SVIL: variants seen among roughly 807,000 people sequenced by gnomAD.
The protein encoded by SVIL is supervillin.
In SVIL, 101 loss-of-function variants were observed where a neutral mutation model predicts 240.4. The ratio of observed to expected loss-of-function variants is 0.42; its 90% confidence interval spans 0.36 to 0.50. The LOEUF (loss-of-function observed/expected upper bound fraction) is 0.50, where lower values mean the gene tolerates loss of function less well. Among genes scored for constraint, SVIL ranks in the 20% least tolerant of loss-of-function variants. The probability of loss-of-function intolerance (pLI) is 0.01; values close to 1 mark genes in which losing one functional copy is unlikely to be tolerated. For synonymous variants in SVIL, 999 were observed against 1,100.0 expected, an observed-to-expected ratio of 0.91 and a Z score of 1.82; for missense variants, 2,512 against 2,818.7, an observed-to-expected ratio of 0.89 and a Z score of 2.46.
chr10:29,706,765 G>C (rs1390839572), intron 1 of SVIL, among the ~76,000 whole-genome samples: 1 of 152,118 alleles, frequency 6.6e-6, no homozygotes, highest in Non-Finnish European at 1.5e-5. Context: ...GGTTTTTATA[G>C]TTTTGGGTTT....
rs1489751525 is a variant in SVIL, at chr10:29,480,514, A to G, written c.5377+23T>C. On this transcript the variant is annotated intron_variant, in intron 29 of 37. Transcript: ENST00000355867. Reference sequence around the variant, plus strand: ...GCCGGGCCAGCCTCTTTCAGCTGGAAAAAACCACAAGCGCTCACTAACCTG... The same window carrying G: ...GCCGGGCCAGCCTCTTTCAGCTGGAGAAAACCACAAGCGCTCACTAACCTG... 4.4e-6 allele frequency: 7 copies of G among 1,607,000 alleles called. 1 individual carries two copies. The South Asian group carries it at 7.7e-5, about 18-fold the overall frequency.
intron 1 of SVIL, among the ~76,000 whole-genome samples, chr10:29,606,811 G>A (rs542014250): frequency 8.5e-5 from 13 of 152,238 alleles, no homozygotes; most frequent in Admixed American, 7.8e-4. Flanking sequence ...CTGGAGTGCA[G>A]TGGCAGGATC....
At position 29,648,987 on chromosome 10, in the gene SVIL, A is replaced by G. The variant is rs1589450250; in HGVS notation, c.-201+8982T>C. 7.2e-5 allele frequency among the ~76,000 whole-genome samples: 11 copies of G among 152,134 alleles called. 4 individuals carry two copies. Among genetic ancestry groups the G allele is most frequent in the Admixed American group, 7.2e-4 (11 of 15,260 alleles). ...GCACCCGTCTACACACAAAAAAAAC[A>G]AAAAACAAAAAACACATTAAAAATT... On this transcript the variant is annotated intron_variant, in intron 3 of 35. Transcript: ENST00000375400.
chr10:29,650,034 C>G (rs1008298487), intron 3 of SVIL, among the ~76,000 whole-genome samples: 6 of 152,180 alleles, frequency 3.9e-5, no homozygotes, highest in Admixed American at 1.3e-4. Flanking sequence ...AGATGCAGCC[C>G]CTGGATCATG....
chr10:29,624,207 T>G (rs1164539268), intron 1 of SVIL, among the ~76,000 whole-genome samples: 3 of 151,936 alleles, frequency 2.0e-5, no homozygotes, highest in African/African-American at 7.3e-5. Context: ...CATATGGTTT[T>G]GGGGAGATAT....
At chr10:29,483,459 C>T (rs961596879) in intron 27 of SVIL, 11 of 152,156 alleles carry the variant, frequency 7.2e-5, no homozygotes, top group African/African-American at 1.4e-4. Context: ...TCACATGAAA[C>T]GAAAACACAT....
chr10:29,686,245 T>A (rs180771524), intron 2 of SVIL, among the ~76,000 whole-genome samples: 151 of 152,290 alleles, frequency 9.9e-4, no homozygotes, highest in African/African-American at 3.4e-3. Context: ...TCTTTCATAA[T>A]CCCTATAAAT....
intron 1 of SVIL, among the ~76,000 whole-genome samples, chr10:29,722,548 C>G (rs939696322): frequency 6.6e-6 from 1 of 152,192 alleles, no homozygotes; most frequent in Non-Finnish European, 1.5e-5. Context: ...GTTTTGCGAA[C>G]TAGAATCCTT....
At chr10:29,677,314 G>A (rs1218345124) in intron 2 of SVIL, among the ~76,000 whole-genome samples, 2 of 152,088 alleles carry the variant, frequency 1.3e-5, no homozygotes, top group Non-Finnish European at 2.9e-5. Context: ...CTGCCCCTTT[G>A]TCTTGTCATG....
At chr10:29,597,449 T>C (rs1044328751) in intron 1 of SVIL, among the ~76,000 whole-genome samples, 6 of 152,152 alleles carry the variant, frequency 3.9e-5, no homozygotes, top group Non-Finnish European at 7.3e-5. Context: ...AGAGGGAGTC[T>C]TGCTCTGTTG....
At position 29,462,334 on chromosome 10, in the gene SVIL, G is replaced by A; in HGVS notation, c.6345C>T (p.Phe2115=). The A allele has an allele frequency of 6.2e-7, 1 of 1,614,190 alleles. No individual in the cohort carries two copies. The highest frequency in any genetic ancestry group is 8.5e-7 in the Non-Finnish European group (1 of 1,180,024). ...GCTCCCAGCTGGGAAACATATTGGTGAATGTCAGGGGCTCCAGACCAGCGT... is the reference window on the plus strand; with the variant it reads ...GCTCCCAGCTGGGAAACATATTGGTAAATGTCAGGGGCTCCAGACCAGCGT... ...LIHAGLEPLT[F]TNMFPSWEHR... Residue 2115 remains phenylalanine, a synonymous_variant, in exon 36 of 38, where the codon TTC becomes TTT. Transcript: ENST00000355867.
At position 29,722,108 on chromosome 10, in the gene SVIL, C is replaced by T. The variant is rs531256780; in HGVS notation, c.-400+13643G>A. 6.5e-4 allele frequency among the ~76,000 whole-genome samples: 98 copies of T among 151,394 alleles called. 2 individuals are homozygous for T. The highest frequency in any genetic ancestry group is 5.4e-3 in the Admixed American group (82 of 15,174). On this transcript the variant is annotated intron_variant, in intron 1 of 35. Coordinates refer to the SVIL transcript ENST00000375400. Reference sequence around the variant, plus strand: ...CAAAAATTAGCCAGACGTGGTGGTGCGCATCTGTAATTCCAGCTACTGGGG... The same window carrying T: ...CAAAAATTAGCCAGACGTGGTGGTGTGCATCTGTAATTCCAGCTACTGGGG...
At chr10:29,602,177 G>A (rs535103507) in intron 1 of SVIL, 12 of 473,864 alleles carry the variant, frequency 2.5e-5, no homozygotes, top group Admixed American at 1.3e-4. Flanking sequence ...TGCTGTCCAC[G>A]ACAAAAGAGT....
At chr10:29,722,789 C>A (rs2132698304) in intron 1 of SVIL, among the ~76,000 whole-genome samples, 1 of 152,308 alleles carries the variant, frequency 6.6e-6, no homozygotes, top group South Asian at 2.1e-4. Flanking sequence ...AAGCTGAGTT[C>A]CAGAATCCAC....
intron 1 of SVIL, among the ~76,000 whole-genome samples, chr10:29,734,311 C>T (rs183453038): frequency 6.6e-6 from 1 of 152,272 alleles, no homozygotes; most frequent in Non-Finnish European, 1.5e-5. Flanking sequence ...TCCATCAAGC[C>T]CTATAGCCTA....
chr10:29,724,234 T>C (rs572330179), intron 1 of SVIL, among the ~76,000 whole-genome samples: 2 of 150,740 alleles, frequency 1.3e-5, no homozygotes, highest in Admixed American at 1.3e-4. Context: ...AATTTGTTCA[T>C]GGAAAAACAT....
At chr10:29,670,692 A>C (rs1959699724) in intron 2 of SVIL, among the ~76,000 whole-genome samples, 1 of 152,252 alleles carries the variant, frequency 6.6e-6, no homozygotes, top group Admixed American at 6.5e-5. Flanking sequence ...TCATCTAGAA[A>C]GAGGCCAGAA....
chr10:29,535,763 G>GAAAGATTGAC (rs1951699118), intron 7 of SVIL, among the ~76,000 whole-genome samples: 1 of 152,228 alleles, frequency 6.6e-6, no homozygotes, highest in Non-Finnish European at 1.5e-5. Flanking sequence ...TGTCAATCAA[G>GAAAGATTGAC]AAAGATTGAC....
At chr10:29,520,917 T>TAA (rs11337474) in intron 16 of SVIL, among the ~76,000 whole-genome samples, 5 of 134,040 alleles carry the variant, frequency 3.7e-5, no homozygotes, top group African/African-American at 5.5e-5. Flanking sequence ...ACCATTCCTC[T>TAA]AAAAAAAAAA....
Sources: gnomAD v4.1 joint callset for allele counts (sites outside exome capture counted in the v4.1 genomes callset) on GRCh38, gnomAD v4.1.1 for gene constraint, MANE v1.5 for transcripts, NCBI Gene and HGNC (gene_info 2026-07-23, HGNC 2026-07-21) for gene names.